Variants in TMEM132C observed in about 807,000 individuals in gnomAD.
The protein encoded by TMEM132C is transmembrane protein 132C, also known as protein phosphatase 1, regulatory subunit 152.
In TMEM132C, 29 loss-of-function variants were observed where a neutral mutation model predicts 61.4. The ratio of observed to expected loss-of-function variants is 0.47; its 90% CI spans 0.35 to 0.64. The LOEUF (loss-of-function observed/expected upper bound fraction) is 0.64, where lower values mean the gene tolerates loss of function less well. TMEM132C is among the 30% of genes least tolerant of loss of function. TMEM132C has a pLI of 0.00. For missense variants in TMEM132C, 1,408 were observed against 1,476.9 expected, an observed-to-expected ratio of 0.95 and a Z score of 0.76; for synonymous variants, 656 against 633.1, an observed-to-expected ratio of 1.04 and a Z score of -0.54.
At chr12:128,357,776 G>A (rs1314041092) in intron 1 of TMEM132C, among the ~76,000 whole-genome samples, 2 of 151,478 alleles carry the variant, frequency 1.3e-5, no homozygotes, top group Non-Finnish European at 2.9e-5. Context: ...GGCCAGTGCA[G>A]TCCTGGGCTT....
chr12:128,590,259 A>G (rs942093853), intron 3 of TMEM132C, among the ~76,000 whole-genome samples: 3 of 152,216 alleles, frequency 2.0e-5, no homozygotes, highest in African/African-American at 7.2e-5. Context: ...GACAGGATCC[A>G]GATCCAAGAG....
intron 1 of TMEM132C, among the ~76,000 whole-genome samples, chr12:128,279,350 C>T (rs568084240): frequency 7.9e-5 from 12 of 152,180 alleles, no homozygotes; most frequent in African/African-American, 2.4e-4. Context: ...TTCATTAGCC[C>T]GACGGGAAGA....
At chr12:128,291,925 C>A (rs55781321) in intron 1 of TMEM132C, among the ~76,000 whole-genome samples, 53,214 of 152,032 alleles carry the variant, frequency 0.35, 10,283 homozygotes, top group Non-Finnish European at 0.43. Flanking sequence ...CCCCGGCTGA[C>A]CGGAGGCAGC....
chr12:128,555,626 C>T (rs1319262631), intron 3 of TMEM132C, among the ~76,000 whole-genome samples: 3 of 152,192 alleles, frequency 2.0e-5, no homozygotes, highest in Non-Finnish European at 4.4e-5. Context: ...AGGCTTCAGG[C>T]CTTTGGCTTC....
intron 2 of TMEM132C, among the ~76,000 whole-genome samples, chr12:128,446,937 TAGAG>T (rs1275565115): frequency 6.8e-4 from 103 of 152,302 alleles, no homozygotes; most frequent in African/African-American, 2.1e-3. Flanking sequence ...GAACTAGGCC[TAGAG>T]TAAGGTAGGA....
intron 5 of TMEM132C, among the ~76,000 whole-genome samples, chr12:128,688,587 A>G (rs1012040874): frequency 1.2e-4 from 18 of 152,330 alleles, no homozygotes; most frequent in African/African-American, 4.1e-4. Flanking sequence ...AAGAACAATG[A>G]GTTATAGAGG....
At chr12:128,633,821 C>A (rs1303454044) in intron 4 of TMEM132C, among the ~76,000 whole-genome samples, 2 of 152,076 alleles carry the variant, frequency 1.3e-5, no homozygotes, top group Non-Finnish European at 2.9e-5. Flanking sequence ...CTAGATTATT[C>A]TTCACTCCTT....
chr12:128,677,017 T>C (rs2135637181), intron 5 of TMEM132C, among the ~76,000 whole-genome samples: 1 of 152,344 alleles, frequency 6.6e-6, no homozygotes, highest in Non-Finnish European at 1.5e-5. Flanking sequence ...CCAAGGGCCA[T>C]GACTTGCCCA....
At chr12:128,476,204 C>T (rs564087635) in intron 2 of TMEM132C, among the ~76,000 whole-genome samples, 7 of 152,250 alleles carry the variant, frequency 4.6e-5, no homozygotes, top group African/African-American at 7.2e-5. Context: ...TGGATTAATT[C>T]GCTTGGAATG....
chr12:128,506,741 C>G (rs1272492313), intron 2 of TMEM132C, among the ~76,000 whole-genome samples: 1 of 152,174 alleles, frequency 6.6e-6, no homozygotes, highest in Non-Finnish European at 1.5e-5. Flanking sequence ...GTCCTCACCA[C>G]CAGATTCCAA....
intron 4 of TMEM132C, among the ~76,000 whole-genome samples, chr12:128,662,920 C>T (rs1387422040): frequency 2.6e-5 from 4 of 152,238 alleles, no homozygotes; most frequent in East Asian, 3.9e-4. Context: ...CTCTGAGCCA[C>T]GAATGTGTCT....
intron 4 of TMEM132C, among the ~76,000 whole-genome samples, chr12:128,618,180 G>GAAGGAT (rs1361506616): frequency 6.6e-6 from 1 of 152,158 alleles, no homozygotes; most frequent in African/African-American, 2.4e-5. Flanking sequence ...ACCTATTTCA[G>GAAGGAT]AAGGATAAGA....
intron 2 of TMEM132C, among the ~76,000 whole-genome samples, chr12:128,510,884 C>A (rs1872544706): frequency 6.6e-6 from 1 of 152,220 alleles, no homozygotes; most frequent in Non-Finnish European, 1.5e-5. Context: ...TCATTGCTTC[C>A]CAGACTGGAG....
At chr12:128,702,919 G>C (rs895221582) in intron 8 of TMEM132C, among the ~76,000 whole-genome samples, 3 of 152,118 alleles carry the variant, frequency 2.0e-5, no homozygotes, top group Non-Finnish European at 4.4e-5. Context: ...GGTCAGACCT[G>C]GTTTGCTGTG....
At chr12:128,304,844 A>G (rs1247198145) in intron 1 of TMEM132C, among the ~76,000 whole-genome samples, 1 of 152,138 alleles carries the variant, frequency 6.6e-6, no homozygotes, top group Non-Finnish European at 1.5e-5. Context: ...TCAGTTAGGA[A>G]AGGCTTTTTT....
At chr12:128,418,005 C>T (rs1868839953) in intron 2 of TMEM132C, among the ~76,000 whole-genome samples, 1 of 152,128 alleles carries the variant, frequency 6.6e-6, no homozygotes, top group African/African-American at 2.4e-5. Flanking sequence ...CCGTGGAGCG[C>T]AGCAGCCGTA....
At chr12:128,623,275 T>C (rs1299041892) in intron 4 of TMEM132C, among the ~76,000 whole-genome samples, 2 of 152,188 alleles carry the variant, frequency 1.3e-5, no homozygotes, top group Non-Finnish European at 1.5e-5. Context: ...GACTGAGGGC[T>C]AGCACTGGCC....
intron 4 of TMEM132C, among the ~76,000 whole-genome samples, chr12:128,666,330 C>G (rs1322121314): frequency 3.3e-5 from 5 of 151,550 alleles, no homozygotes; most frequent in Non-Finnish European, 7.4e-5. Flanking sequence ...CGCAGGCACT[C>G]ACACACACAG....
At chr12:128,698,758 C>A (rs367602370) in intron 8 of TMEM132C, among the ~76,000 whole-genome samples, 2 of 152,194 alleles carry the variant, frequency 1.3e-5, no homozygotes, top group Non-Finnish European at 2.9e-5. Flanking sequence ...TGGTGACTTG[C>A]GGCCACAATA....
Sources: allele counts gnomAD v4.1 joint callset (sites outside exome capture counted in the v4.1 genomes callset), GRCh38; gene constraint gnomAD v4.1.1; transcripts MANE v1.5; gene names NCBI Gene and HGNC (gene_info 2026-07-23, HGNC 2026-07-21).